The following VWCE variants were observed in gnomAD, a reference collection of about 807,000 sequenced individuals.
VWCE encodes von Willebrand factor C and EGF domains.
In VWCE, 68 loss-of-function variants were observed where a neutral mutation model predicts 102.9. The observed-to-expected ratio is 0.66, with a 90% confidence interval of 0.54 to 0.81. The LOEUF is 0.81. Ranked by LOEUF, VWCE falls within the 30% of genes least tolerant of loss-of-function variation. VWCE has a pLI of 0.00. For synonymous variants in VWCE, 497 were observed against 515.4 expected (o/e 0.96, Z 0.48); for missense variants, 1,137 against 1,263.6 (o/e 0.90, Z 1.52).
At chr11:61,281,985 G>A in intron 6 of VWCE, 71 bp from the exon 7 acceptor site, 2 of 1,558,584 alleles carry the variant, frequency 1.3e-6, no homozygotes. Context: ...CCATCCCTTA[G>A]CTCAAAACAC....
At chr11:61,273,529 T>G (rs1293923032) in intron 12 of VWCE, among the ~76,000 whole-genome samples, 1 of 152,006 alleles carries the variant, frequency 6.6e-6, no homozygotes, top group Admixed American at 6.6e-5. Flanking sequence ...GGGGGCTGGG[T>G]GTGAGCCCAG....
At chr11:61,263,000 T>C (rs578116911) in intron 19 of VWCE, among the ~76,000 whole-genome samples, 2 of 152,342 alleles carry the variant, frequency 1.3e-5, no homozygotes, top group South Asian at 4.1e-4. Flanking sequence ...TTATCCAGAA[T>C]GGAATACTAT....
chr11:61,282,517 G>A (rs976604476), intron 6 of VWCE: 2 of 374,424 alleles, frequency 5.3e-6, no homozygotes, highest in South Asian at 5.6e-5. Flanking sequence ...GGTGAGCAGA[G>A]AGGAATCCTT....
rs749018341 is a variant in VWCE at position 61,274,530 on chromosome 11, C to T, written c.1550G>A (p.Gly517Asp). 5.6e-6 allele frequency: 9 copies of T among 1,613,500 alleles called. No homozygotes were observed. In the Admixed American group the frequency reaches 6.7e-5, roughly 12 times the overall value. Residue 517 changes from glycine to aspartate, a missense_variant, in exon 12 of 20, where the codon GGT becomes GAT. Physicochemically the swap from Gly to Asp is moderately conservative, Grantham distance 94. Coordinates refer to ENST00000335613, the MANE Select transcript of VWCE (RefSeq NM_152718.2). ...AACACAGGTGGTACACTCGTCACCA[C>T]CCCCACTGAACACAGCCCCGTCTGC... ...WYADGAVFSG[G>D]GDECTTCVCQ...
intron 4 of VWCE, among the ~76,000 whole-genome samples, chr11:61,289,884 T>C (rs1855445465): frequency 6.6e-6 from 1 of 152,226 alleles, no homozygotes; most frequent in African/African-American, 2.4e-5. Context: ...ATATTACTTT[T>C]ACGAAGTTAA....
intron 1 of VWCE, among the ~76,000 whole-genome samples, chr11:61,293,772 C>T (rs1855587309): frequency 6.6e-6 from 1 of 152,108 alleles, no homozygotes; most frequent in South Asian, 2.1e-4. Context: ...AAATCTGTGC[C>T]AAAATGTGAC....
At chr11:61,275,433 C>T (rs1330807939) in intron 11 of VWCE, among the ~76,000 whole-genome samples, 1 of 151,268 alleles carries the variant, frequency 6.6e-6, no homozygotes, top group East Asian at 2.0e-4. Flanking sequence ...ACAATGGGAC[C>T]GATAAGGGTT....
At chr11:61,282,323 G>A (rs1855169763) in intron 6 of VWCE, among the ~76,000 whole-genome samples, 1 of 152,208 alleles carries the variant, frequency 6.6e-6, no homozygotes, top group Non-Finnish European at 1.5e-5. Flanking sequence ...GCTAGAACAA[G>A]GTCTTTTTTC....
rs2134870111 is a variant in VWCE at position 61,294,620 on chromosome 11, G to C, written c.110+308C>G. Among the ~76,000 whole-genome samples the C allele has an allele frequency of 6.6e-6, 1 of 152,262 alleles. No individual in the cohort carries two copies. Reference sequence around the variant, plus strand: ...AGCCAGTCCGGAGACCAGATGGCACGTCCTGGGCTCCCCTCTCCAGAGGTC... The same window carrying C: ...AGCCAGTCCGGAGACCAGATGGCACCTCCTGGGCTCCCCTCTCCAGAGGTC... On this transcript the variant is annotated intron_variant, in intron 1 of 19. Coordinates refer to ENST00000335613, the MANE Select transcript of VWCE (RefSeq NM_152718.2). The surrounding 1 kb of genome is among the most constrained non-coding windows in gnomAD (Gnocchi z 6.3).
At chr11:61,290,460 T>C (rs1855464036) in intron 4 of VWCE, among the ~76,000 whole-genome samples, 1 of 145,108 alleles carries the variant, frequency 6.9e-6, no homozygotes, top group African/African-American at 2.6e-5. Flanking sequence ...TGCAGTGAGC[T>C]GAGACCATGC....
At chr11:61,269,291 C>T (rs568930404) in intron 14 of VWCE, 140 of 455,664 alleles carry the variant, frequency 3.1e-4, no homozygotes, top group Non-Finnish European at 3.9e-4. Context: ...CCAAAGCCTG[C>T]ACCGTCACCA....
At position 61,259,492 on chromosome 11, in the gene VWCE, G is replaced by A. The variant is rs147201587; in HGVS notation, c.2231-180C>T. On this transcript the variant is annotated intron_variant, in intron 19 of 19. Coordinates refer to ENST00000335613, the MANE Select transcript of VWCE (RefSeq NM_152718.2). ...AAGACTGAAGGAGCCATGAACGGAG[G>A]GAGGCAGGCAGTTAGCTGTGTGACC... Among the ~76,000 whole-genome samples, 13 of 152,324 alleles carry A rather than the reference G, an allele frequency of 8.5e-5. No individual in the cohort carries two copies. In the East Asian group the frequency reaches 2.5e-3, roughly 29 times the overall value.
At chr11:61,290,511 C>CAA (rs35585461) in intron 4 of VWCE, among the ~76,000 whole-genome samples, 83 of 50,346 alleles carry the variant, frequency 1.6e-3, no homozygotes, top group Middle Eastern at 9.8e-3. Context: ...AACTTCGTCT[C>CAA]AAAAAAAAAA....
chr11:61,278,263 ATTCCACAACCTGAGAATGTTCCC>A, intron 10 of VWCE, 108 bp downstream of exon 10: 1 of 1,027,234 alleles, frequency 9.7e-7, no homozygotes, highest in Non-Finnish European at 1.5e-6. Context: ...TTCTAACCAA[ATTCCACAACCTGAGAATGTTCCC>A]TTCCACTCAA....
chr11:61,277,261 G>A (rs1854957025), intron 10 of VWCE, among the ~76,000 whole-genome samples: 2 of 151,992 alleles, frequency 1.3e-5, no homozygotes, highest in Admixed American at 1.3e-4. Context: ...TTGTCTGCAT[G>A]CCCCTGATTT....
At chr11:61,267,440 G>A in intron 16 of VWCE, 22 bp downstream of exon 16, 1 of 1,612,676 alleles carries the variant, frequency 6.2e-7, no homozygotes, top group Non-Finnish European at 8.5e-7. Flanking sequence ...AGGGGCGGGA[G>A]TCAGATCTGG....
At position 61,275,516 on chromosome 11, in the gene VWCE, GA is replaced by G. The variant is rs370628173; in HGVS notation, c.1496-933del. ...AAATAATGTAACATTTAAACATTAA[GA>G]AAAAAAACACTTAAAAAGAACACCA... On this transcript the variant is annotated intron_variant, in intron 11 of 19. Coordinates refer to ENST00000335613, the MANE Select transcript of VWCE (RefSeq NM_152718.2). Among the ~76,000 whole-genome samples, 163 of 151,956 alleles carry G rather than the reference GA, an allele frequency of 1.1e-3. 1 individual carries two copies. The Middle Eastern group carries it at 0.031, about 29-fold the overall frequency.
intron 12 of VWCE, chr11:61,273,801 A>G (rs1453818882): frequency 1.2e-5 from 2 of 162,122 alleles, no homozygotes; most frequent in African/African-American, 4.8e-5. Context: ...CCTGGGGAGC[A>G]GAGAGAGTCT....
chr11:61,283,237 A>T (rs1194293700), intron 5 of VWCE, among the ~76,000 whole-genome samples: 1 of 152,044 alleles, frequency 6.6e-6, no homozygotes, highest in Non-Finnish European at 1.5e-5. Flanking sequence ...GGCATTTCTA[A>T]TCAGGGCCCT....
Sources: gnomAD v4.1 joint callset for allele counts (sites outside exome capture counted in the v4.1 genomes callset) on GRCh38, gnomAD v4.1.1 for gene constraint, Gnocchi (gnomAD v3.1) non-coding constraint, MANE v1.5 for transcripts, NCBI Gene and HGNC (gene_info 2026-07-23, HGNC 2026-07-21) for gene names.